The following NBEA variants were observed in gnomAD, a reference collection of about 807,000 sequenced individuals.
NBEA encodes the protein neurobeachin.
A neutral mutation model predicts 343.4 loss-of-function variants in NBEA; 44 were observed. The ratio of observed to expected loss-of-function variants is 0.13; its 90% CI spans 0.10 to 0.16. NBEA has a LOEUF of 0.16. NBEA is among the 10% of genes least tolerant of loss of function. The pLI is 1.00. For synonymous variants in NBEA, 1,175 were observed against 1,238.7 expected, an observed-to-expected ratio of 0.95 and a Z score of 1.08; for missense variants, 2,555 against 3,631.3, an observed-to-expected ratio of 0.70 and a Z score of 7.62.
chr13:35,113,891 T>C (rs1294234550), intron 13 of NBEA, among the ~76,000 whole-genome samples: 1 of 152,196 alleles, frequency 6.6e-6, no homozygotes, highest in Admixed American at 6.5e-5. Flanking sequence ...GTGGTTTGTC[T>C]GTCTCCTGGG....
chr13:35,308,558 G>GTATATATGTA (rs879263696), intron 35 of NBEA, among the ~76,000 whole-genome samples: 1 of 106,294 alleles, frequency 9.4e-6, no homozygotes, highest in Non-Finnish European at 1.8e-5. Context: ...ATGTATATAT[G>GTATATATGTA]TATATATGTA....
At chr13:34,975,347 G>A (rs1434364144) in intron 1 of NBEA, among the ~76,000 whole-genome samples, 1 of 152,136 alleles carries the variant, frequency 6.6e-6, no homozygotes, top group African/African-American at 2.4e-5. Flanking sequence ...GCAAACAAAA[G>A]CATAAAGTGG....
At chr13:35,510,166 T>C (rs1473082418) in intron 41 of NBEA, among the ~76,000 whole-genome samples, 1 of 152,156 alleles carries the variant, frequency 6.6e-6, no homozygotes, top group Non-Finnish European at 1.5e-5. Context: ...ACTGTGAGCG[T>C]TTGAATGGAG....
intron 34 of NBEA, among the ~76,000 whole-genome samples, chr13:35,287,064 G>A (rs1016537869): frequency 2.0e-5 from 3 of 151,864 alleles, no homozygotes; most frequent in South Asian, 4.2e-4. Flanking sequence ...CTTAATGGAC[G>A]GTTTCCTTAC....
Position 35,123,468 on chromosome 13 carries a change from T to C in NBEA, c.2244-14T>C, listed in dbSNP as rs968211152. 7.1e-6 allele frequency: 10 copies of C among 1,411,658 alleles called. No homozygotes were observed. The highest frequency in any genetic ancestry group is 9.5e-6 in the Non-Finnish European group (10 of 1,056,800). 87.4% of individuals were successfully genotyped at this position (1,411,658 alleles called of 1,614,324 possible). The stretch of plus-strand genomic sequence containing the variant: ...ATTAGTAAGTTTTTAAAAGATAATT[T>C]ATATATTTTGTAGGGTGATCTACAA... On this transcript the variant is annotated splice_polypyrimidine_tract_variant and intron_variant, in intron 16 of 58. Coordinates refer to ENST00000379939, the MANE Select transcript of NBEA (RefSeq NM_001385012.1).
intron 1 of NBEA, among the ~76,000 whole-genome samples, chr13:34,968,170 A>G (rs2059886294): frequency 6.6e-6 from 1 of 152,176 alleles, no homozygotes; most frequent in Admixed American, 6.6e-5. Context: ...GGAGTGGGCT[A>G]TAGAGCTTCC....
At chr13:35,326,274 G>T (rs544272158) in intron 36 of NBEA, among the ~76,000 whole-genome samples, 2 of 152,118 alleles carry the variant, frequency 1.3e-5, no homozygotes, top group East Asian at 3.9e-4. Flanking sequence ...ATGAACATTG[G>T]ATGTGTTTCC....
rs184596783 is a variant in NBEA, at chr13:35,323,132, A to G, written c.5903+13540A>G. 4.6e-3 allele frequency among the ~76,000 whole-genome samples: 703 copies of G among 152,200 alleles called. 3 individuals carry two copies. The highest frequency in any genetic ancestry group is 7.9e-3 in the Non-Finnish European group (538 of 67,982). ...CCCAAAGTGCTGGGATTACACGCAT[A>G]AGCCACCATGCCCAGCCTAAATCAC... On this transcript the variant is annotated intron_variant, in intron 36 of 58. Transcript: ENST00000379939.
At chr13:35,321,864 G>T (rs1313186305) in intron 36 of NBEA, among the ~76,000 whole-genome samples, 1 of 152,214 alleles carries the variant, frequency 6.6e-6, no homozygotes, top group Non-Finnish European at 1.5e-5. Flanking sequence ...GCTCCGCCCA[G>T]TTGAAACTTC....
chr13:35,202,120 A>C (rs189561611), intron 31 of NBEA, among the ~76,000 whole-genome samples: 5 of 152,160 alleles, frequency 3.3e-5, no homozygotes, highest in African/African-American at 1.2e-4. Context: ...TTGCCTTGCT[A>C]GGTTTTTACT....
chr13:35,075,326 C>T (rs1225669309), intron 10 of NBEA, among the ~76,000 whole-genome samples: 1 of 152,062 alleles, frequency 6.6e-6, no homozygotes, highest in African/African-American at 2.4e-5. Context: ...TTTCTTTTTA[C>T]TTTCTTCCGT....
Position 35,118,360 on chromosome 13 carries a change from A to T in NBEA, c.2146-17A>T, listed in dbSNP as rs1442050239. The T allele has an allele frequency of 6.3e-7, 1 of 1,592,180 alleles. No individual in the cohort carries two copies. Among genetic ancestry groups the T allele is most frequent in the East Asian group, 2.3e-5 (1 of 44,160 alleles). ...CTTTAGAGTAAAATTTTAAATCAACATTGGTGATTTATGCAGGATGAAAAT... is the reference window on the plus strand; with the variant it reads ...CTTTAGAGTAAAATTTTAAATCAACTTTGGTGATTTATGCAGGATGAAAAT... On this transcript the variant is annotated splice_polypyrimidine_tract_variant and intron_variant, in intron 15 of 58. Coordinates refer to ENST00000379939, the MANE Select transcript of NBEA (RefSeq NM_001385012.1).
chr13:35,312,538 A>G (rs1160720), intron 36 of NBEA, among the ~76,000 whole-genome samples: 31,579 of 152,036 alleles, frequency 0.21, 3,567 homozygotes, highest in African/African-American at 0.3. Context: ...CTGTGCAAAG[A>G]ATACTGGAGA....
chr13:35,418,876 G>A (rs2044110347), intron 38 of NBEA, among the ~76,000 whole-genome samples: 2 of 151,902 alleles, frequency 1.3e-5, no homozygotes, highest in South Asian at 4.1e-4. Context: ...TTCCTTATAT[G>A]AAACGCTTGG....
chr13:35,660,241 T>A (rs1435830788), intron 55 of NBEA, among the ~76,000 whole-genome samples: 4 of 152,156 alleles, frequency 2.6e-5, no homozygotes, highest in Non-Finnish European at 5.9e-5. Context: ...CAAAATACAT[T>A]GGGACTTCAG....
intron 30 of NBEA, among the ~76,000 whole-genome samples, chr13:35,188,782 TTTAA>T (rs558638282): frequency 4.5e-4 from 68 of 152,264 alleles, no homozygotes; most frequent in Non-Finnish European, 8.5e-4. Flanking sequence ...TAGTTCTGTT[TTTAA>T]TTGTTTGAAG....
chr13:34,981,822 G>A lies in NBEA; in HGVS notation c.294+38708G>A, dbSNP rs796765280. On this transcript the variant is annotated intron_variant, in intron 1 of 58. Coordinates refer to ENST00000379939, the MANE Select transcript of NBEA (RefSeq NM_001385012.1). The stretch of plus-strand genomic sequence containing the variant: ...TGTCAGTAAATTGTGTTTTGCAAGG[G>A]ATTTATTTGTGTCATCTAAGTAGTT... Among the ~76,000 whole-genome samples the A allele has an allele frequency of 7.9e-5, 12 of 151,638 alleles. 1 individual carries two copies. The highest frequency in any genetic ancestry group is 2.9e-4 in the African/African-American group (12 of 41,400).
intron 8 of NBEA, among the ~76,000 whole-genome samples, chr13:35,063,060 A>G (rs2063520829): frequency 6.6e-6 from 1 of 152,004 alleles, no homozygotes; most frequent in Admixed American, 6.6e-5. Context: ...TACCCACAGC[A>G]TATGTTGTAG....
chr13:35,129,886 T>C (rs2067323316), intron 17 of NBEA, among the ~76,000 whole-genome samples: 1 of 152,126 alleles, frequency 6.6e-6, no homozygotes, highest in African/African-American at 2.4e-5. Flanking sequence ...AAAAGAAATA[T>C]AATATTTTAG....
Sources: gnomAD v4.1 joint callset for allele counts (sites outside exome capture counted in the v4.1 genomes callset) on GRCh38, gnomAD v4.1.1 for gene constraint, MANE v1.5 for transcripts, NCBI Gene and HGNC (gene_info 2026-07-23, HGNC 2026-07-21) for gene names.